BTD: variants seen among roughly 807,000 people sequenced by gnomAD.
BTD encodes biocytinase.
BTD carries 13 observed loss-of-function variants against 17.7 expected under a neutral mutation model. The ratio of observed to expected loss-of-function variants is 0.74; its 90% CI spans 0.48 to 1.17. BTD has a LOEUF of 1.17. BTD is among the 50% of genes most tolerant of loss of function. BTD has a pLI of 0.00. For synonymous variants in BTD, 240 were observed against 245.2 expected, an observed-to-expected ratio of 0.98 and a Z score of 0.20; for missense variants, 674 against 650.4, an observed-to-expected ratio of 1.04 and a Z score of -0.39.
rs34806568 is a variant in BTD, at chr3:15,674,174, C to CAAAAAAAAAA, written c.399+32132_399+32141dup. On this transcript the variant is annotated intron_variant, in intron 3 of 3. Transcript: ENST00000672141. ...GCAACAGAGTGAGACCCTGCCTCTT[C>CAAAAAAAAAA]AAAAAAAAAAAAAAAAAAAAAAAAG... Among the ~76,000 whole-genome samples, 174 of 40,270 alleles carry CAAAAAAAAAA rather than the reference C, an allele frequency of 4.3e-3. 15 individuals carry two copies. Among genetic ancestry groups the CAAAAAAAAAA allele is most frequent in the Non-Finnish European group, 5.8e-3 (139 of 24,170 alleles). The allele number at this position is 40,270 out of a possible 152,430, so 26.4% of individuals were successfully genotyped here. A position where few individuals can be genotyped will look rare whatever the true frequency, so the allele number is the denominator to read the frequency against.
chr3:15,640,856 C>CCG (rs35863533), intron 2 of BTD, among the ~76,000 whole-genome samples: 1 of 151,712 alleles, frequency 6.6e-6, no homozygotes, highest in African/African-American at 2.4e-5. Context: ...TGTTTTTTCC[C>CCG]GTTTTCCAAA....
At position 15,706,703 on chromosome 3, in the gene BTD, C is replaced by T. The variant is rs553677985; in HGVS notation, c.400-3357C>T. 2.7e-3 allele frequency among the ~76,000 whole-genome samples: 413 copies of T among 152,310 alleles called. 5 individuals are homozygous for T. The highest frequency in any genetic ancestry group is 2.1e-3 in the Non-Finnish European group (142 of 68,030). ...ATGGTTGAACTAGTTTATAGTCCCA[C>T]CAACAGTATAAAAGTGTTCCTATTT... On this transcript the variant is annotated intron_variant, in intron 3 of 3. Transcript: ENST00000672141.
intron 3 of BTD, among the ~76,000 whole-genome samples, chr3:15,702,950 C>T (rs906515002): frequency 1.3e-5 from 2 of 151,998 alleles, no homozygotes; most frequent in Admixed American, 6.6e-5. Context: ...TCTACATAGT[C>T]GTGACAGAGT....
At position 15,642,061 on chromosome 3, in the gene BTD, A is replaced by G. The variant is rs769677058; in HGVS notation, c.399+4A>G. On this transcript the variant is annotated splice_donor_region_variant and intron_variant, in intron 3 of 3. Transcript: ENST00000643237. Reference sequence around the variant, plus strand: ...TCACCGCTTCAATGACACAGAGGTGATTCCTGCCTTTTTCCTCAGTAGGCT... The same window carrying G: ...TCACCGCTTCAATGACACAGAGGTGGTTCCTGCCTTTTTCCTCAGTAGGCT... 3.7e-6 allele frequency: 6 copies of G among 1,614,006 alleles called. No homozygotes were observed. The highest frequency in any genetic ancestry group is 4.2e-6 in the Non-Finnish European group (5 of 1,180,018).
In BTD at chr3:15,644,806, T is replaced by A. The variant is rs946578169; in HGVS notation, c.890T>A (p.Leu297Gln). The change falls in exon 4 of 4, where the codon CTG becomes CAG. Residue 297 changes from leucine (L) to glutamine (Q), a missense_variant. Physicochemically the swap from Leu to Gln is moderately radical, Grantham distance 113. Transcript: ENST00000643237. Reference protein sequence around the residue: ...GMTGSGIHTPLESFWYHDMEN... With the variant: ...GMTGSGIHTPQESFWYHDMEN... ...ACAGGAAGTGGCATACACACCCCTC[T>A]GGAGTCCTTTTGGTACCATGACATG... is the stretch of plus-strand genomic sequence containing the variant. The A allele has an allele frequency of 6.2e-7, 1 of 1,614,102 alleles. No individual in the cohort carries two copies. The highest frequency in any genetic ancestry group is 1.3e-5 in the African/African-American group (1 of 74,936).
chr3:15,686,118 T>C, intron 3 of BTD: 1 of 1,612,396 alleles, frequency 6.2e-7, no homozygotes, highest in Non-Finnish European at 8.5e-7. Flanking sequence ...ATCAGAGGCG[T>C]CCTGAGCAAC....
chr3:15,657,481 G>A (rs966663434), downstream of BTD, among the ~76,000 whole-genome samples: 4 of 134,168 alleles, frequency 3.0e-5, no homozygotes, highest in Admixed American at 1.6e-4. Context: ...TGAACAACTG[G>A]CTCAATGCCC....
intron 2 of BTD, among the ~76,000 whole-genome samples, chr3:15,638,329 G>A (rs2065410738): frequency 1.3e-5 from 2 of 152,136 alleles, no homozygotes. Flanking sequence ...AGAAACAACT[G>A]GTTCAGGAGC....
chr3:15,694,666 T>C (rs939668785), intron 3 of BTD: 1 of 1,336,624 alleles, frequency 7.5e-7, no homozygotes, highest in Non-Finnish European at 1.1e-6. Context: ...CTAGTTTGAG[T>C]CAACACAAAT....
chr3:15,672,885 C>T (rs1395316363), intron 3 of BTD, among the ~76,000 whole-genome samples: 3 of 152,248 alleles, frequency 2.0e-5, no homozygotes, highest in African/African-American at 7.2e-5. Context: ...AAGCGATTCT[C>T]TTGCCTCAGC....
At position 15,697,914 on chromosome 3, in the gene BTD, GTTAT is replaced by G. The variant is rs752895244; in HGVS notation, c.400-12143_400-12140del. Among the ~76,000 whole-genome samples, 4 of 152,266 alleles carry G rather than the reference GTTAT, an allele frequency of 2.6e-5. No homozygotes were observed. In the South Asian group the frequency reaches 6.2e-4, roughly 24 times the overall value. ...AATTATTGCCTCAATTTCAGAACCT[GTTAT>G]TTGTCTATTCAGAGATTCAACTTCT... is the stretch of plus-strand genomic sequence containing the variant. On this transcript the variant is annotated intron_variant, in intron 3 of 3. Transcript: ENST00000672141.
chr3:15,660,573 A>G (rs1315607493), intron 3 of BTD, among the ~76,000 whole-genome samples: 1 of 152,266 alleles, frequency 6.6e-6, no homozygotes, highest in Non-Finnish European at 1.5e-5. Flanking sequence ...GTTGACACAG[A>G]AATTTACAGC....
At chr3:15,690,532 C>G (rs1041888883) in intron 3 of BTD, among the ~76,000 whole-genome samples, 1 of 152,124 alleles carries the variant, frequency 6.6e-6, no homozygotes, top group African/African-American at 2.4e-5. Context: ...CATTTAAAGT[C>G]TTGATTTCAA....
chr3:15,605,390 A>G (rs1343978711), intron 1 of BTD, among the ~76,000 whole-genome samples: 1 of 152,074 alleles, frequency 6.6e-6, no homozygotes, highest in Admixed American at 6.6e-5. Context: ...TGATTCAGTT[A>G]CCTCCCACCA....
downstream of BTD, among the ~76,000 whole-genome samples, chr3:15,716,358 CAT>C (rs1205427559): frequency 6.8e-6 from 1 of 147,654 alleles, no homozygotes; most frequent in Non-Finnish European, 1.5e-5. Flanking sequence ...GTGGTGTAAT[CAT>C]AGTTCACTGC....
downstream of BTD, among the ~76,000 whole-genome samples, chr3:15,717,625 A>C (rs2073223037): frequency 6.6e-6 from 1 of 152,182 alleles, no homozygotes; most frequent in Non-Finnish European, 1.5e-5. Flanking sequence ...CAAGCCAAAC[A>C]CTTCACAGTA....
intron 3 of BTD, among the ~76,000 whole-genome samples, chr3:15,688,670 C>G (rs2068432795): frequency 6.6e-6 from 1 of 152,142 alleles, no homozygotes; most frequent in Non-Finnish European, 1.5e-5. Context: ...GAAAAAAAAT[C>G]CAAGACATAT....
intron 3 of BTD, chr3:15,709,812 T>G (rs915961366): frequency 4.5e-6 from 4 of 880,706 alleles, no homozygotes; most frequent in Non-Finnish European, 6.9e-6. Flanking sequence ...TAAAGAAGCA[T>G]GAAAGCATGT....
chr3:15,628,357 A>G (rs2065118185), intron 1 of BTD, among the ~76,000 whole-genome samples: 1 of 152,244 alleles, frequency 6.6e-6, no homozygotes. Context: ...ACATTTAATA[A>G]TCACAAAGCC....
Sources: gnomAD v4.1 joint callset for allele counts (sites outside exome capture counted in the v4.1 genomes callset) on GRCh38, gnomAD v4.1.1 for gene constraint, MANE v1.5 for transcripts, NCBI Gene and HGNC (gene_info 2026-07-23, HGNC 2026-07-21) for gene names.